Variants in FBXW7 observed in about 807,000 individuals in gnomAD.
FBXW7 encodes F-box/WD repeat-containing protein 7.
In FBXW7, 11 loss-of-function variants were observed where a neutral mutation model predicts 86.3. The ratio of observed to expected loss-of-function variants is 0.13; its 90% confidence interval spans 0.08 to 0.21. FBXW7 has a LOEUF of 0.21. Ranked by LOEUF, FBXW7 falls within the 10% of genes least tolerant of loss-of-function variation. The pLI, the probability that FBXW7 is intolerant of heterozygous loss-of-function variation, is 1.00. For synonymous variants in FBXW7, 313 were observed against 297.9 expected (o/e 1.05, Z -0.52); for missense variants, 488 against 847.4 (o/e 0.58, Z 5.27).
chr4:152,477,378 G>T (rs758980477), intron 2 of FBXW7, among the ~76,000 whole-genome samples: 1 of 152,102 alleles, frequency 6.6e-6, no homozygotes, highest in African/African-American at 2.4e-5. Flanking sequence ...CTATTTTTGT[G>T]TGTTTCCTTC....
intron 2 of FBXW7, among the ~76,000 whole-genome samples, chr4:152,514,483 G>A (rs184611837): frequency 1.3e-5 from 2 of 152,238 alleles, no homozygotes; most frequent in East Asian, 1.9e-4. Context: ...GATATAATTT[G>A]AATATTTGAC....
chr4:152,431,751 AT>A (rs1043600584), intron 2 of FBXW7, among the ~76,000 whole-genome samples: 1 of 152,126 alleles, frequency 6.6e-6, no homozygotes, highest in African/African-American at 2.4e-5. Flanking sequence ...ACAAGAGGAC[AT>A]TTTTTTCTCC....
chr4:152,361,771 C>G (rs1732965913), intron 4 of FBXW7, among the ~76,000 whole-genome samples: 1 of 151,808 alleles, frequency 6.6e-6, no homozygotes, highest in Admixed American at 6.6e-5. Context: ...AGGTGGAGAC[C>G]AGCCTGGCCA....
At chr4:152,401,300 T>A (rs115131651) in intron 4 of FBXW7, among the ~76,000 whole-genome samples, 4 of 152,358 alleles carry the variant, frequency 2.6e-5, no homozygotes, top group African/African-American at 7.2e-5. Flanking sequence ...AAGATGTCTT[T>A]CACTAGGGAA....
At chr4:152,514,962 CCT>C (rs1261417000) in intron 2 of FBXW7, among the ~76,000 whole-genome samples, 1 of 152,146 alleles carries the variant, frequency 6.6e-6, no homozygotes, top group Non-Finnish European at 1.5e-5. Flanking sequence ...GTCAAAAATA[CCT>C]CTGTTTACGG....
At chr4:152,477,254 G>T (rs1744500224) in intron 2 of FBXW7, among the ~76,000 whole-genome samples, 1 of 152,084 alleles carries the variant, frequency 6.6e-6, no homozygotes, top group African/African-American at 2.4e-5. Context: ...TAGTTCCAAA[G>T]GGGTAGGTCA....
chr4:152,332,140 A>G (rs1475398643), intron 8 of FBXW7, among the ~76,000 whole-genome samples: 1 of 152,120 alleles, frequency 6.6e-6, no homozygotes, highest in East Asian at 1.9e-4. Context: ...TACACAGGAT[A>G]ACTACTCCTC....
chr4:152,393,652 A>T (rs1483579262), intron 4 of FBXW7, among the ~76,000 whole-genome samples: 1 of 152,160 alleles, frequency 6.6e-6, no homozygotes, highest in Non-Finnish European at 1.5e-5. Flanking sequence ...TCTGTAGCTA[A>T]GCAAATGAAT....
chr4:152,528,938 T>TTG (rs142822510), intron 2 of FBXW7, among the ~76,000 whole-genome samples: 2,557 of 150,034 alleles, frequency 0.017, 29 homozygotes, highest in Middle Eastern at 0.041. Flanking sequence ...CATACATACT[T>TTG]TGTGTGTGTG....
At chr4:152,419,746 T>C (rs78382319) in intron 2 of FBXW7, among the ~76,000 whole-genome samples, 2,442 of 152,132 alleles carry the variant, frequency 0.016, 76 homozygotes, top group African/African-American at 0.056. Context: ...ACAAAAAATG[T>C]TTTGGTTTCC....
intron 2 of FBXW7, among the ~76,000 whole-genome samples, chr4:152,444,682 G>GT (rs1741211677): frequency 6.6e-6 from 1 of 152,188 alleles, no homozygotes; most frequent in African/African-American, 2.4e-5. Flanking sequence ...ATCATTGGTT[G>GT]TAACAATTTG....
chr4:152,510,915 C>T (rs1028117556), intron 2 of FBXW7, among the ~76,000 whole-genome samples: 6 of 152,134 alleles, frequency 3.9e-5, no homozygotes, highest in African/African-American at 1.4e-4. Context: ...CATCTTCTCC[C>T]CCACCAATCT....
rs556548974 is a variant in FBXW7, at chr4:152,428,668, G to A, written c.-119-16139C>T. On this transcript the variant is annotated intron_variant, in intron 2 of 13. Transcript: ENST00000281708. The stretch of plus-strand genomic sequence containing the variant: ...AATTCATAGGTAAAACATTTAACAA[G>A]GCTTAGTACAAAATAAGATTCAATA... 2.0e-5 allele frequency among the ~76,000 whole-genome samples: 3 copies of A among 152,234 alleles called. No individual in the cohort carries two copies. The South Asian group carries it at 6.2e-4, about 32-fold the overall frequency.
At chr4:152,444,598 T>C (rs942153695) in intron 2 of FBXW7, among the ~76,000 whole-genome samples, 1 of 152,166 alleles carries the variant, frequency 6.6e-6, no homozygotes, top group African/African-American at 2.4e-5. Flanking sequence ...AAACCATCTA[T>C]GGTTTGTAAA....
At chr4:152,452,391 A>C (rs578125797) in intron 2 of FBXW7, among the ~76,000 whole-genome samples, 1 of 152,340 alleles carries the variant, frequency 6.6e-6, no homozygotes, top group South Asian at 2.1e-4. Context: ...GACTTCAGTA[A>C]TTTTAAAGCA....
chr4:152,393,578 A>T (rs912426987), intron 4 of FBXW7, among the ~76,000 whole-genome samples: 1 of 152,162 alleles, frequency 6.6e-6, no homozygotes, highest in African/African-American at 2.4e-5. Flanking sequence ...ATATCGGTAA[A>T]GTACAAACAA....
At chr4:152,482,987 C>T (rs759421467) in intron 2 of FBXW7, among the ~76,000 whole-genome samples, 4 of 152,024 alleles carry the variant, frequency 2.6e-5, no homozygotes, top group Non-Finnish European at 4.4e-5. Context: ...TTTTGCCATA[C>T]CTGGTCACAA....
At chr4:152,432,419 T>C (rs2126953630) in intron 2 of FBXW7, among the ~76,000 whole-genome samples, 1 of 152,346 alleles carries the variant, frequency 6.6e-6, no homozygotes, top group East Asian at 1.9e-4. Context: ...TCAATTAATA[T>C]GTAATTTAAT....
intron 2 of FBXW7, among the ~76,000 whole-genome samples, chr4:152,433,474 C>T (rs1740092350): frequency 6.6e-6 from 1 of 152,140 alleles, no homozygotes; most frequent in African/African-American, 2.4e-5. Flanking sequence ...TTATTGAGGA[C>T]TTCTTCATGT....
Sources: allele counts gnomAD v4.1 joint callset (sites outside exome capture counted in the v4.1 genomes callset), GRCh38; gene constraint gnomAD v4.1.1; transcripts MANE v1.5; gene names NCBI Gene and HGNC (gene_info 2026-07-23, HGNC 2026-07-21).